Variants in CAMSAP2 observed in about 807,000 individuals in gnomAD.
CAMSAP2 encodes the protein calmodulin regulated spectrin associated protein family member 2, also known as calmodulin-regulated spectrin-associated protein 2.
A neutral mutation model predicts 146.1 loss-of-function variants in CAMSAP2; 26 were observed. The ratio of observed to expected loss-of-function variants is 0.18; its 90% CI spans 0.13 to 0.25. The LOEUF (loss-of-function observed/expected upper bound fraction) is 0.25. Among genes scored for constraint, CAMSAP2 ranks in the 10% least tolerant of loss-of-function variants. The pLI is 1.00. For synonymous variants in CAMSAP2, 499 were observed against 596.6 expected, an observed-to-expected ratio of 0.84 and a Z score of 2.38; for missense variants, 1,381 against 1,759.3, an observed-to-expected ratio of 0.78 and a Z score of 3.85.
chr1:200,743,710 G>A (rs563649777), intron 1 of CAMSAP2, among the ~76,000 whole-genome samples: 2 of 152,136 alleles, frequency 1.3e-5, no homozygotes, highest in Non-Finnish European at 2.9e-5. Context: ...GGAGACCAAG[G>A]CGGGTGGATC....
At chr1:200,785,069 A>G (rs1665546729) in intron 2 of CAMSAP2, among the ~76,000 whole-genome samples, 1 of 152,192 alleles carries the variant, frequency 6.6e-6, no homozygotes. Context: ...GTTGATTTCA[A>G]ATATTAAACT....
intron 4 of CAMSAP2, among the ~76,000 whole-genome samples, chr1:200,819,276 CT>C (rs1178511038): frequency 6.6e-6 from 1 of 151,942 alleles, no homozygotes; most frequent in Non-Finnish European, 1.5e-5. Flanking sequence ...GTTATTTTCT[CT>C]TTTTTTTCCA....
At chr1:200,759,405 A>G (rs150681395) in intron 1 of CAMSAP2, among the ~76,000 whole-genome samples, 11,145 of 151,710 alleles carry the variant, frequency 0.073, 605 homozygotes, top group Non-Finnish European at 0.11. Flanking sequence ...CAACCTCCCA[A>G]GTAGCTGGGA....
At chr1:200,769,468 C>G (rs1030986367) in intron 2 of CAMSAP2, among the ~76,000 whole-genome samples, 3 of 152,098 alleles carry the variant, frequency 2.0e-5, no homozygotes, top group African/African-American at 7.2e-5. Flanking sequence ...AGTATCAGAT[C>G]AGTGTCAGAT....
In CAMSAP2 at chr1:200,856,054, G is replaced by C; in HGVS notation, c.3941G>C (p.Ser1314Thr). Residue 1314 changes from serine to threonine, a missense_variant, in exon 15 of 17, where the codon AGT (serine) becomes ACT (threonine). Physicochemically the swap from Ser to Thr is moderately conservative, Grantham distance 58. Around this residue, in one of 4 missense-constraint regions of CAMSAP2, gnomAD observed 560 missense variants for 715.9 expected, o/e 0.78. Coordinates refer to ENST00000358823, the MANE Select transcript of CAMSAP2 (RefSeq NM_203459.4). Reference protein sequence around the residue: ...EGFLSPSRCGSRNGEKDWENA... With the variant: ...EGFLSPSRCGTRNGEKDWENA... ...TTCTTATCTCCAAGTCGTTGTGGCA[G>C]TCGAAATGGAGAAAAAGACTGGGAG... 1 of 1,613,998 alleles carries C rather than the reference G, an allele frequency of 6.2e-7. No individual in the cohort carries two copies. The highest frequency in any genetic ancestry group is 8.5e-7 in the Non-Finnish European group (1 of 1,179,900).
intron 13 of CAMSAP2, 83 bp from the exon 14 acceptor site, chr1:200,854,734 T>C (rs1184576474): frequency 4.2e-6 from 4 of 953,002 alleles, no homozygotes; most frequent in South Asian, 1.6e-5. Flanking sequence ...TGTTATCTAA[T>C]GAACAGACTC....
intron 2 of CAMSAP2, among the ~76,000 whole-genome samples, chr1:200,804,989 A>G (rs1034246485): frequency 6.6e-5 from 10 of 152,244 alleles, no homozygotes; most frequent in Admixed American, 5.9e-4. Context: ...CAGTTTCTGC[A>G]CATATAAAAC....
chr1:200,826,200 G>T (rs1343870567), intron 4 of CAMSAP2, among the ~76,000 whole-genome samples: 1 of 152,094 alleles, frequency 6.6e-6, no homozygotes, highest in South Asian at 2.1e-4. Context: ...GGAGGCCTAG[G>T]TGGGAGGTTC....
At chr1:200,820,427 G>T (rs1666726682) in intron 4 of CAMSAP2, among the ~76,000 whole-genome samples, 1 of 152,170 alleles carries the variant, frequency 6.6e-6, no homozygotes, top group South Asian at 2.1e-4. Context: ...AGAAATATTT[G>T]TGAGGTATTT....
rs1270009313 is a variant in CAMSAP2 at position 200,858,686 on chromosome 1, C to T, written c.*627C>T. ...TATTTACAACTCTATTTATTATTCA[C>T]TCAAGTATTAACATTCTCTATTAAA... is the stretch of plus-strand genomic sequence containing the variant. On this transcript the variant is annotated 3_prime_UTR_variant, in exon 17 of 17. Coordinates refer to ENST00000358823, the MANE Select transcript of CAMSAP2 (RefSeq NM_203459.4). 6.6e-6 allele frequency: 1 copy of T among 152,606 alleles called. No individual in the cohort carries two copies. The highest frequency in any genetic ancestry group is 1.9e-4 in the East Asian group (1 of 5,334). The allele number at this position is 152,606 out of a possible 1,614,324, so 9.5% of individuals were successfully genotyped here. A position where few individuals can be genotyped will look rare whatever the true frequency, so the allele number is the denominator to read the frequency against.
chr1:200,830,089 T>G (rs1667004349), intron 4 of CAMSAP2, among the ~76,000 whole-genome samples: 1 of 152,226 alleles, frequency 6.6e-6, no homozygotes, highest in East Asian at 1.9e-4. Context: ...ATGCAATAAG[T>G]TTATAAAGCA....
rs1388356839 is a variant in CAMSAP2, at chr1:200,849,499, G to A, written c.2730G>A (p.Gln910=). 2.5e-6 allele frequency: 4 copies of A among 1,614,198 alleles called. No homozygotes were observed. The highest frequency in any genetic ancestry group is 1.3e-5 in the African/African-American group (1 of 75,050). Residue 910 remains glutamine (Q), a synonymous_variant, in exon 11 of 17, where the codon CAG becomes CAA. Coordinates refer to ENST00000358823, the MANE Select transcript of CAMSAP2 (RefSeq NM_203459.4). The surrounding 1 kb of genome is among the most constrained non-coding windows in gnomAD (Gnocchi z 6.3). ...RLSLQQEMLM[Q]MREQQSWVIS... ...CACTTCAGCAGGAGATGTTAATGCA[G>A]ATGAGAGAGCAACAATCTTGGGTGA...
intron 2 of CAMSAP2, among the ~76,000 whole-genome samples, chr1:200,795,559 T>G (rs972339175): frequency 1.3e-5 from 2 of 152,220 alleles, no homozygotes; most frequent in African/African-American, 4.8e-5. Context: ...AAGCTACATA[T>G]AGTCCAGATG....
Position 200,832,430 on chromosome 1 carries a change from C to A in CAMSAP2, c.787+89C>A. 1 of 1,218,850 alleles carries A rather than the reference C, an allele frequency of 8.2e-7. No individual in the cohort carries two copies. Among genetic ancestry groups the A allele is most frequent in the Non-Finnish European group, 1.1e-6 (1 of 895,784 alleles). 75.5% of individuals were successfully genotyped at this position (1,218,850 alleles called of 1,614,324 possible). A position where few individuals can be genotyped will look rare whatever the true frequency, so the allele number is the denominator to read the frequency against. On this transcript the variant is annotated intron_variant, in intron 5 of 16. Transcript: ENST00000358823. The surrounding 1 kb of genome is among the most constrained non-coding windows in gnomAD (Gnocchi z 4.2). Reference sequence around the variant, plus strand: ...TTATTTTGCACTCCAGCCTAGGTGACTGAGTGGGACCCTGTCTCAAAAAAA... The same window carrying A: ...TTATTTTGCACTCCAGCCTAGGTGAATGAGTGGGACCCTGTCTCAAAAAAA...
intron 1 of CAMSAP2, among the ~76,000 whole-genome samples, chr1:200,740,447 G>C (rs188596241): frequency 2.6e-5 from 4 of 152,180 alleles, no homozygotes; most frequent in Admixed American, 6.5e-5. Flanking sequence ...AAGGTGGCCT[G>C]TGTCGAGTGC....
chr1:200,758,536 G>A (rs986470784), intron 1 of CAMSAP2, among the ~76,000 whole-genome samples: 6 of 152,174 alleles, frequency 3.9e-5, no homozygotes, highest in African/African-American at 1.4e-4. Context: ...AAAGGAAAGT[G>A]TTTTCAATTA....
chr1:200,857,241 T>G lies in CAMSAP2; in HGVS notation c.4013-65T>G. ...CAGTGTAGGAACAATTACATCATTT[T>G]AAAATAGTAGTATTTCTGACTTAGG... is the stretch of plus-strand genomic sequence containing the variant. On this transcript the variant is annotated intron_variant, in intron 15 of 16. Coordinates refer to ENST00000358823, the MANE Select transcript of CAMSAP2 (RefSeq NM_203459.4). This position sits in a 1 kb window ranked among gnomAD's most constrained non-coding sequence, Gnocchi z 4.7. The G allele has an allele frequency of 6.3e-6, 7 of 1,103,944 alleles. No individual in the cohort carries two copies. In the South Asian group the frequency reaches 9.2e-5, roughly 15 times the overall value. The allele number at this position is 1,103,944 out of a possible 1,614,324, so 68.4% of individuals were successfully genotyped here.
chr1:200,823,207 T>C (rs189496333), intron 4 of CAMSAP2, among the ~76,000 whole-genome samples: 1 of 152,364 alleles, frequency 6.6e-6, no homozygotes, highest in East Asian at 1.9e-4. Context: ...TCCACCCATC[T>C]ACCTGTCTAT....
chr1:200,836,117 AGC>A (rs1444809153), intron 6 of CAMSAP2, among the ~76,000 whole-genome samples: 3 of 151,660 alleles, frequency 2.0e-5, no homozygotes, highest in African/African-American at 7.3e-5. Context: ...TTAAACTTTT[AGC>A]TTAAGCTCAA....
Sources: gnomAD v4.1 joint callset for allele counts (sites outside exome capture counted in the v4.1 genomes callset) on GRCh38, gnomAD v4.1.1 for gene constraint, gnomAD v4.1.1 regional missense constraint, Gnocchi (gnomAD v3.1) non-coding constraint, MANE v1.5 for transcripts, NCBI Gene and HGNC (gene_info 2026-07-23, HGNC 2026-07-21) for gene names.